The following ITGA4 variants were observed in gnomAD, a reference collection of about 807,000 sequenced individuals.
The protein encoded by ITGA4 is integrin alpha-4.
A neutral mutation model predicts 133.6 loss-of-function variants in ITGA4; 63 were observed. That is an observed-to-expected ratio of 0.47 (90% confidence interval 0.38 to 0.58). The LOEUF is 0.58. ITGA4 is among the 20% of genes least tolerant of loss of function. The pLI is 0.00. For missense variants in ITGA4, 1,076 were observed against 1,252.7 expected, an observed-to-expected ratio of 0.86 and a Z score of 2.13; for synonymous variants, 483 against 438.0, an observed-to-expected ratio of 1.10 and a Z score of -1.28.
At position 181,537,377 on chromosome 2, in the gene ITGA4, T is replaced by C. The variant is rs1256250810; in HGVS notation, c.*1850T>C. On this transcript the variant is annotated 3_prime_UTR_variant, in exon 28 of 28. Coordinates refer to ENST00000397033, the MANE Select transcript of ITGA4 (RefSeq NM_000885.6). ...CAGATACAAGGGGAACACAATTACA[T>C]ATTGGGCTAGATTTTGCCCAGTTCA... The C allele has an allele frequency of 2.2e-6, 1 of 453,818 alleles. No homozygotes were observed. Among genetic ancestry groups the C allele is most frequent in the Non-Finnish European group, 4.4e-6 (1 of 226,726 alleles). The allele number at this position is 453,818 out of a possible 1,614,324, so 28.1% of individuals were successfully genotyped here.
At chr2:181,533,768 A>T (rs968521529) in intron 25 of ITGA4, among the ~76,000 whole-genome samples, 13 of 152,202 alleles carry the variant, frequency 8.5e-5, no homozygotes, top group Non-Finnish European at 1.6e-4. Context: ...CTCCCTCAGC[A>T]AATGCACACA....
At chr2:181,472,131 C>T (rs747702913) in intron 2 of ITGA4, among the ~76,000 whole-genome samples, 5 of 152,060 alleles carry the variant, frequency 3.3e-5, no homozygotes, top group Non-Finnish European at 7.4e-5. Flanking sequence ...TGTGATGTTA[C>T]CTGATGGAGC....
chr2:181,486,088 A>G (rs1039811683), intron 10 of ITGA4, 96 bp downstream of exon 10: 63 of 1,454,034 alleles, frequency 4.3e-5, no homozygotes, highest in Non-Finnish European at 5.5e-5. Context: ...TCCTTCCTAT[A>G]GAAGATGGAG....
intron 27 of ITGA4, among the ~76,000 whole-genome samples, 194 bp from the exon 28 acceptor site, chr2:181,535,238 A>G (rs181016243): frequency 6.6e-6 from 1 of 152,282 alleles, no homozygotes; most frequent in East Asian, 1.9e-4. Context: ...TGCATTAAAA[A>G]CAAAAATGTT....
At position 181,459,821 on chromosome 2, in the gene ITGA4, T is replaced by C. The variant is rs118112709; in HGVS notation, c.319+1504T>C. On this transcript the variant is annotated intron_variant, in intron 2 of 27. Transcript: ENST00000397033. ...TTTTATTTCTGTTGTCCTGTCATAG[T>C]TTCCTGATCCATGACATTATAACTA... Among the ~76,000 whole-genome samples, 10 of 152,358 alleles carry C rather than the reference T, an allele frequency of 6.6e-5. No individual in the cohort carries two copies. The East Asian group carries it at 1.9e-3, about 29-fold the overall frequency.
At position 181,524,220 on chromosome 2, in the gene ITGA4, A is replaced by G. The variant is rs1686786959; in HGVS notation, c.2219A>G (p.Glu740Gly). ...LDVSSLSRAE[E>G]DLSITVHATC... ...GTGAGCTCACTCAGCAGAGCGGAAG[A>G]GGACCTCAGTATCACAGTGCATGCT... The change falls in exon 20 of 28, where the codon GAG becomes GGG. Residue 740 changes from glutamate (E) to glycine (G), a missense_variant. This residue lies in a region of ITGA4 where 365 missense variants were observed against 421.4 expected (regional missense o/e 0.87). Coordinates refer to ENST00000397033, the MANE Select transcript of ITGA4 (RefSeq NM_000885.6). 1 of 1,601,442 alleles carries G rather than the reference A, an allele frequency of 6.2e-7. No homozygotes were observed. The highest frequency in any genetic ancestry group is 8.5e-7 in the Non-Finnish European group (1 of 1,173,382).
intron 17 of ITGA4, among the ~76,000 whole-genome samples, chr2:181,517,377 C>G (rs1248455523): frequency 6.6e-6 from 1 of 151,980 alleles, no homozygotes; most frequent in Non-Finnish European, 1.5e-5. Context: ...ATTATTCACT[C>G]AGAAAAAAAC....
rs1687336931 is a variant in ITGA4 at position 181,538,746 on chromosome 2, TATTCAGATGGCTCCACTA to T, written c.*3221_*3238del. Among the ~76,000 whole-genome samples, 1 of 152,304 alleles carries T rather than the reference TATTCAGATGGCTCCACTA, an allele frequency of 6.6e-6. No homozygotes were observed. The highest frequency in any genetic ancestry group is 2.4e-5 in the African/African-American group (1 of 41,580). On this transcript the variant is annotated 3_prime_UTR_variant, in exon 28 of 28. Coordinates refer to ENST00000397033, the MANE Select transcript of ITGA4 (RefSeq NM_000885.6). ...GAAGGATAAAAATCTAACACTTTAC[TATTCAGATGGCTCCACTA>T]AAAGATTTAAGATCTTGATCCATTT...
At chr2:181,526,780 G>T (rs968098795) in intron 21 of ITGA4, among the ~76,000 whole-genome samples, 1 of 141,638 alleles carries the variant, frequency 7.1e-6, no homozygotes, top group African/African-American at 2.6e-5. Flanking sequence ...AAAGAATATC[G>T]GTGAGGGACA....
chr2:181,476,062 A>G (rs755795499), intron 4 of ITGA4: 19 of 502,620 alleles, frequency 3.8e-5, no homozygotes, highest in Middle Eastern at 4.7e-4. Context: ...TTTGAGTTCA[A>G]TTATGGGTGC....
At chr2:181,503,065 A>G (rs1686313479) in intron 15 of ITGA4, among the ~76,000 whole-genome samples, 2 of 152,080 alleles carry the variant, frequency 1.3e-5, no homozygotes, top group Admixed American at 6.6e-5. Flanking sequence ...GTTGGAATCG[A>G]CTATTAAACG....
At chr2:181,484,597 A>T (rs1447436464) in intron 9 of ITGA4, among the ~76,000 whole-genome samples, 2 of 152,222 alleles carry the variant, frequency 1.3e-5, no homozygotes, top group African/African-American at 4.8e-5. Flanking sequence ...ATTCCCAGTC[A>T]TCTTAGTTCA....
Position 181,487,844 on chromosome 2 carries a change from C to A in ITGA4, c.1153+1852C>A, listed in dbSNP as rs115458875. Among the ~76,000 whole-genome samples the A allele has an allele frequency of 3.1e-3, 466 of 152,236 alleles. 4 individuals are homozygous for A. The highest frequency in any genetic ancestry group is 0.011 in the African/African-American group (443 of 41,550). Reference sequence around the variant, plus strand: ...TGAAAACATAAGCCTTATTTCGTGGCAAGTTTAAGGGTTCTACCTAATAAA... The same window carrying A: ...TGAAAACATAAGCCTTATTTCGTGGAAAGTTTAAGGGTTCTACCTAATAAA... On this transcript the variant is annotated intron_variant, in intron 10 of 27. Coordinates refer to ENST00000397033, the MANE Select transcript of ITGA4 (RefSeq NM_000885.6).
intron 11 of ITGA4, among the ~76,000 whole-genome samples, chr2:181,494,490 A>G (rs907367542): frequency 2.0e-5 from 3 of 152,228 alleles, no homozygotes; most frequent in Non-Finnish European, 4.4e-5. Flanking sequence ...TCTGTACAGC[A>G]TAATTTTCCC....
Position 181,494,739 on chromosome 2 carries a change from G to A in ITGA4, c.1266G>A (p.Gln422=), listed in dbSNP as rs368956204. 5.8e-5 allele frequency: 92 copies of A among 1,599,410 alleles called. No individual in the cohort carries two copies. The highest frequency in any genetic ancestry group is 7.6e-5 in the Non-Finnish European group (89 of 1,166,956). ...STFSQRIEGL[Q]ISKSLSMFGQ... ...TTTTTCAGAGAATTGAAGGACTTCAGATCAGCAAATCGTTAAGTATGTTTG... is the reference window on the plus strand; with the variant it reads ...TTTTTCAGAGAATTGAAGGACTTCAAATCAGCAAATCGTTAAGTATGTTTG... Residue 422 remains glutamine, a synonymous_variant, in exon 12 of 28, where the codon CAG becomes CAA. Transcript: ENST00000397033.
intron 2 of ITGA4, among the ~76,000 whole-genome samples, chr2:181,469,138 A>G (rs1200988124): frequency 6.6e-6 from 1 of 152,240 alleles, no homozygotes; most frequent in Non-Finnish European, 1.5e-5. Context: ...CTCTCATGGC[A>G]GTTCTAATAA....
chr2:181,535,653 T>C lies in ITGA4; in HGVS notation c.*126T>C. 8.0e-7 allele frequency: 1 copy of C among 1,256,392 alleles called. No homozygotes were observed. 77.8% of individuals were successfully genotyped at this position (1,256,392 alleles called of 1,614,324 possible). On this transcript the variant is annotated 3_prime_UTR_variant, in exon 28 of 28. Transcript: ENST00000397033. ...CTTTTACTCATGATCTTGTGACATA[T>C]TATGTCTTCATGCAAGGGGAAAATC... is the stretch of plus-strand genomic sequence containing the variant.
chr2:181,475,085 C>A lies in ITGA4; in HGVS notation c.426+19C>A. The A allele has an allele frequency of 1.2e-6, 2 of 1,610,056 alleles. No individual in the cohort carries two copies. The highest frequency in any genetic ancestry group is 1.7e-6 in the Non-Finnish European group (2 of 1,176,432). ...CATCGTGGTAGGTATTGGAACTGGT[C>A]CACAGATCCATCGTGAAATCAGCTA... On this transcript the variant is annotated intron_variant, in intron 3 of 27. Transcript: ENST00000397033.
chr2:181,525,320 A>T (rs1454230254), intron 21 of ITGA4, 29 bp downstream of exon 21: 1 of 1,173,956 alleles, frequency 8.5e-7, no homozygotes, highest in Non-Finnish European at 1.3e-6. Context: ...TTCCTTTCAA[A>T]TTTAGAGCTG....
Sources: allele counts gnomAD v4.1 joint callset (sites outside exome capture counted in the v4.1 genomes callset), GRCh38; gene constraint gnomAD v4.1.1; regional missense constraint gnomAD v4.1.1; transcripts MANE v1.5; gene names NCBI Gene and HGNC (gene_info 2026-07-23, HGNC 2026-07-21).